Variants in HS3ST3A1 observed in about 807,000 individuals in gnomAD.
HS3ST3A1 encodes heparan sulfate glucosamine 3-O-sulfotransferase 3A1.
HS3ST3A1 carries 19 observed loss-of-function variants against 25.7 expected under a neutral mutation model. That is an observed-to-expected ratio of 0.74 (90% CI 0.52 to 1.08). The LOEUF (loss-of-function observed/expected upper bound fraction) is 1.08. Among genes scored for constraint, HS3ST3A1 ranks in the 50% least tolerant of loss-of-function variants. The pLI is 0.00. For missense variants in HS3ST3A1, 459 were observed against 594.3 expected (o/e 0.77, Z 2.37); for synonymous variants, 226 against 278.6 (o/e 0.81, Z 1.88).
At chr17:13,576,142 C>T (rs559349510) in intron 1 of HS3ST3A1, among the ~76,000 whole-genome samples, 4 of 152,302 alleles carry the variant, frequency 2.6e-5, no homozygotes, top group South Asian at 2.1e-4. Context: ...TTAACAATTG[C>T]GGCACAGCAA....
At chr17:13,501,764 C>T (rs78676556) in intron 1 of HS3ST3A1, among the ~76,000 whole-genome samples, 6,398 of 152,246 alleles carry the variant, frequency 0.042, 159 homozygotes, top group Non-Finnish European at 0.051. Context: ...GAATGTGACA[C>T]CCAGTGTTCT....
intron 1 of HS3ST3A1, among the ~76,000 whole-genome samples, chr17:13,524,804 T>C (rs888316370): frequency 2.6e-5 from 4 of 152,292 alleles, no homozygotes; most frequent in African/African-American, 9.6e-5. Flanking sequence ...TACAAATCTA[T>C]AATTGTTTCC....
At chr17:13,581,560 ACTGT>A (rs1490409558) in intron 1 of HS3ST3A1, among the ~76,000 whole-genome samples, 1 of 152,140 alleles carries the variant, frequency 6.6e-6, no homozygotes, top group African/African-American at 2.4e-5. Flanking sequence ...CACACCCAAC[ACTGT>A]CTGAAAACAA....
At chr17:13,540,589 C>T (rs1326097504) in intron 1 of HS3ST3A1, among the ~76,000 whole-genome samples, 1 of 152,204 alleles carries the variant, frequency 6.6e-6, no homozygotes, top group Non-Finnish European at 1.5e-5. Flanking sequence ...TTTCTTTCAT[C>T]TCTGCATTTA....
At chr17:13,541,930 C>A (rs1906943751) in intron 1 of HS3ST3A1, among the ~76,000 whole-genome samples, 1 of 152,104 alleles carries the variant, frequency 6.6e-6, no homozygotes, top group Admixed American at 6.6e-5. Flanking sequence ...TTCATTGATA[C>A]CTGGAATGGA....
intron 1 of HS3ST3A1, among the ~76,000 whole-genome samples, chr17:13,500,584 G>A (rs1277365223): frequency 6.6e-6 from 1 of 152,194 alleles, no homozygotes; most frequent in Non-Finnish European, 1.5e-5. Context: ...ATAGGTCCTA[G>A]GAGAACTTTC....
intron 1 of HS3ST3A1, among the ~76,000 whole-genome samples, chr17:13,544,395 G>C (rs1017440390): frequency 6.6e-6 from 1 of 152,216 alleles, no homozygotes; most frequent in Admixed American, 6.5e-5. Flanking sequence ...TAGTCCTTCA[G>C]CTGTAGGGGT....
At chr17:13,564,381 C>T (rs559538953) in intron 1 of HS3ST3A1, among the ~76,000 whole-genome samples, 67 of 151,980 alleles carry the variant, frequency 4.4e-4, no homozygotes, top group Admixed American at 1.4e-3. Context: ...ATTTTGATTA[C>T]AGTTGTCCCT....
intron 1 of HS3ST3A1, among the ~76,000 whole-genome samples, chr17:13,538,589 G>A (rs532441441): frequency 1.3e-5 from 2 of 152,126 alleles, no homozygotes; most frequent in East Asian, 3.9e-4. Context: ...ATAATACTCT[G>A]ACCCACATTT....
At chr17:13,545,640 C>T (rs186885411) in intron 1 of HS3ST3A1, among the ~76,000 whole-genome samples, 2 of 152,308 alleles carry the variant, frequency 1.3e-5, no homozygotes, top group African/African-American at 2.4e-5. Flanking sequence ...ACCTCCTCCA[C>T]GGAGTCCCGG....
intron 1 of HS3ST3A1, among the ~76,000 whole-genome samples, chr17:13,560,214 C>CGA (rs1031073006): frequency 2.2e-5 from 3 of 136,788 alleles, no homozygotes; most frequent in African/African-American, 8.2e-5. Flanking sequence ...CGCTTGAACC[C>CGA]GAGAGGTGGA....
intron 1 of HS3ST3A1, among the ~76,000 whole-genome samples, chr17:13,535,349 T>C (rs913762991): frequency 4.6e-5 from 7 of 152,144 alleles, no homozygotes; most frequent in African/African-American, 7.2e-5. Flanking sequence ...GGCACTACAC[T>C]TAGGGGCCGT....
chr17:13,548,725 G>A (rs570000721), intron 1 of HS3ST3A1, among the ~76,000 whole-genome samples: 6 of 152,186 alleles, frequency 3.9e-5, no homozygotes, highest in South Asian at 2.1e-4. Flanking sequence ...GTTTTCAAAC[G>A]CACCAATCAT....
rs1028048372 is a variant in HS3ST3A1 at position 13,590,073 on chromosome 17, C to T, written c.599+10458G>A. On this transcript the variant is annotated intron_variant, in intron 1 of 1. Coordinates refer to ENST00000284110, the MANE Select transcript of HS3ST3A1 (RefSeq NM_006042.3). ...GATTGATTACTTCCTACTCTGAACACTCGAGAGAGAAAAAAGCAAACTTTT... is the reference window on the plus strand; with the variant it reads ...GATTGATTACTTCCTACTCTGAACATTCGAGAGAGAAAAAAGCAAACTTTT... 2.0e-5 allele frequency among the ~76,000 whole-genome samples: 3 copies of T among 152,246 alleles called. No homozygotes were observed. The East Asian group carries it at 5.8e-4, about 29-fold the overall frequency.
chr17:13,554,439 G>A (rs1367566798), intron 1 of HS3ST3A1, among the ~76,000 whole-genome samples: 1 of 152,190 alleles, frequency 6.6e-6, no homozygotes. Context: ...AGGGGAATGG[G>A]AAATTCACAA....
At chr17:13,558,965 C>T (rs1029402746) in intron 1 of HS3ST3A1, among the ~76,000 whole-genome samples, 1 of 152,184 alleles carries the variant, frequency 6.6e-6, no homozygotes, top group African/African-American at 2.4e-5. Flanking sequence ...GCTCTGTGCT[C>T]AGATTCTGAC....
At chr17:13,497,761 T>TAG (rs1165507350) in intron 1 of HS3ST3A1, among the ~76,000 whole-genome samples, 1 of 152,262 alleles carries the variant, frequency 6.6e-6, no homozygotes, top group Non-Finnish European at 1.5e-5. Context: ...GTTGGATAGA[T>TAG]AGAGATCTTT....
Position 13,600,803 on chromosome 17 carries a change from C to T in HS3ST3A1, c.327G>A (p.Glu109=), listed in dbSNP as rs1465160349. ...GGGACTCTTCTTCCCAGGCCGCCTC[C>T]TCGCCGTCGTCGCGGGGCGCGGGCG... ...RRPPAPRDDG[E]EAAWEEESPG... is the part of the protein sequence containing the mutation. Residue 109 remains glutamate, a synonymous_variant, in exon 1 of 2, where the codon GAG becomes GAA. Transcript: ENST00000284110. The T allele has an allele frequency of 1.4e-6, 2 of 1,421,052 alleles. No individual in the cohort carries two copies. The highest frequency in any genetic ancestry group is 1.8e-6 in the Non-Finnish European group (2 of 1,100,924). 88.0% of individuals were successfully genotyped at this position (1,421,052 alleles called of 1,614,324 possible). A position where few individuals can be genotyped will look rare whatever the true frequency, so the allele number is the denominator to read the frequency against.
chr17:13,542,196 G>A (rs1055903075), intron 1 of HS3ST3A1, among the ~76,000 whole-genome samples: 9 of 151,864 alleles, frequency 5.9e-5, no homozygotes, highest in Non-Finnish European at 5.9e-5. Context: ...GCATGGTGGC[G>A]TGCACCTGCA....
Sources: allele counts gnomAD v4.1 joint callset (sites outside exome capture counted in the v4.1 genomes callset), GRCh38; gene constraint gnomAD v4.1.1; transcripts MANE v1.5; gene names NCBI Gene and HGNC (gene_info 2026-07-23, HGNC 2026-07-21).